Variants in MYO1D observed in about 807,000 individuals in gnomAD.
The protein encoded by MYO1D is unconventional myosin-Id.
A neutral mutation model predicts 122.0 loss-of-function variants in MYO1D; 83 were observed. The observed-to-expected ratio is 0.68, with a 90% CI of 0.57 to 0.82. The LOEUF (loss-of-function observed/expected upper bound fraction) is 0.82, where lower values mean the gene tolerates loss of function less well. Ranked by LOEUF, MYO1D falls within the 40% of genes least tolerant of loss-of-function variation. The pLI is 0.00. For synonymous variants in MYO1D, 464 were observed against 446.9 expected, an observed-to-expected ratio of 1.04 and a Z score of -0.48; for missense variants, 1,157 against 1,269.5, an observed-to-expected ratio of 0.91 and a Z score of 1.35.
At chr17:32,718,602 G>A (rs967437272) in intron 15 of MYO1D, among the ~76,000 whole-genome samples, 2 of 152,124 alleles carry the variant, frequency 1.3e-5, no homozygotes, top group Non-Finnish European at 2.9e-5. Flanking sequence ...TTGGGAGGCT[G>A]GGGTGGGAGA....
chr17:32,673,853 A>G (rs1317261449), intron 16 of MYO1D, among the ~76,000 whole-genome samples: 1 of 152,224 alleles, frequency 6.6e-6, no homozygotes, highest in Non-Finnish European at 1.5e-5. Flanking sequence ...TTTTGTGTCA[A>G]TGTATTAAAT....
At chr17:32,547,198 T>A (rs2086971166) in intron 21 of MYO1D, among the ~76,000 whole-genome samples, 1 of 152,204 alleles carries the variant, frequency 6.6e-6, no homozygotes, top group Non-Finnish European at 1.5e-5. Flanking sequence ...TGGGCCATTG[T>A]GCCGGCACGA....
intron 4 of MYO1D, among the ~76,000 whole-genome samples, chr17:32,775,292 C>T (rs1306522231): frequency 6.6e-6 from 1 of 150,486 alleles, no homozygotes; most frequent in African/African-American, 2.5e-5. Flanking sequence ...CAGAGTGAGA[C>T]TCTGTCTCAA....
At chr17:32,788,735 GCT>G (rs371990770) in intron 1 of MYO1D, among the ~76,000 whole-genome samples, 18 of 152,122 alleles carry the variant, frequency 1.2e-4, no homozygotes, top group African/African-American at 4.3e-4. Context: ...GGGGGTGCAG[GCT>G]CTTTTTTGGT....
intron 1 of MYO1D, among the ~76,000 whole-genome samples, chr17:32,798,188 T>G (rs1383414914): frequency 2.0e-5 from 3 of 152,174 alleles, no homozygotes; most frequent in Non-Finnish European, 2.9e-5. Context: ...TGGGGTGAAT[T>G]AATAGCCAAC....
At chr17:32,495,031 C>A (rs1909040128) in intron 21 of MYO1D, 116 bp from the exon 22 acceptor site, 2 of 1,285,278 alleles carry the variant, frequency 1.6e-6, no homozygotes, top group Non-Finnish European at 2.1e-6. Flanking sequence ...TCCACAAGTG[C>A]CAGGAGGATG....
intron 18 of MYO1D, 58 bp downstream of exon 18, chr17:32,654,419 C>T (rs1238779508): frequency 6.6e-7 from 1 of 1,523,698 alleles, no homozygotes; most frequent in East Asian, 2.3e-5. Context: ...GAGATATGTA[C>T]TTCTCTTTTT....
chr17:32,613,781 T>C (rs1197909758), intron 20 of MYO1D, among the ~76,000 whole-genome samples: 1 of 97,266 alleles, frequency 1.0e-5, no homozygotes, highest in Non-Finnish European at 1.9e-5. Context: ...CAGAGCAAGA[T>C]TCCATCTCAA....
intron 21 of MYO1D, among the ~76,000 whole-genome samples, chr17:32,531,683 A>T (rs1910511595): frequency 6.6e-6 from 1 of 152,226 alleles, no homozygotes; most frequent in South Asian, 2.1e-4. Flanking sequence ...TTTTGTGTGC[A>T]TCAAACAAAA....
At chr17:32,701,698 G>A (rs1165437900) in intron 16 of MYO1D, among the ~76,000 whole-genome samples, 1 of 152,106 alleles carries the variant, frequency 6.6e-6, no homozygotes, top group Non-Finnish European at 1.5e-5. Context: ...GAGTAGCTGG[G>A]ACTACAGGTG....
intron 20 of MYO1D, among the ~76,000 whole-genome samples, chr17:32,635,657 C>T (rs563704439): frequency 6.6e-6 from 1 of 152,164 alleles, no homozygotes; most frequent in South Asian, 2.1e-4. Flanking sequence ...GGCGCCACTG[C>T]ACTCCAGTCT....
chr17:32,783,727 T>C (rs2090263747), intron 1 of MYO1D, among the ~76,000 whole-genome samples: 1 of 152,184 alleles, frequency 6.6e-6, no homozygotes, highest in African/African-American at 2.4e-5. Context: ...ATATACACCT[T>C]AACAGCAACT....
chr17:32,577,066 A>C (rs1231648289), intron 21 of MYO1D, among the ~76,000 whole-genome samples: 3 of 152,242 alleles, frequency 2.0e-5, no homozygotes, highest in Middle Eastern at 3.4e-3. Context: ...CCTGGGCAAC[A>C]GGATGAAACC....
Position 32,495,401 on chromosome 17 carries a change from G to A in MYO1D, c.2865-486C>T, listed in dbSNP as rs71377442. On this transcript the variant is annotated intron_variant, in intron 21 of 21. Transcript: ENST00000318217. ...GGGCCTGACTTGGGTTTCCCCAAGC[G>A]AGAGGCTGCTCTCATCTGGAGCTGG... The A allele has an allele frequency of 7.5e-3, 1,149 of 153,586 alleles. 12 individuals are homozygous for A. Among genetic ancestry groups the A allele is most frequent in the African/African-American group, 0.018 (762 of 41,612 alleles). The allele number at this position is 153,586 out of a possible 1,614,324, so 9.5% of individuals were successfully genotyped here.
intron 21 of MYO1D, among the ~76,000 whole-genome samples, chr17:32,554,353 A>G (rs979051019): frequency 2.0e-5 from 3 of 152,168 alleles, no homozygotes; most frequent in African/African-American, 7.2e-5. Context: ...CAACTGCAAC[A>G]CCTAGTTAAT....
chr17:32,874,795 C>T (rs1318691927), intron 1 of MYO1D, among the ~76,000 whole-genome samples: 1 of 151,996 alleles, frequency 6.6e-6, no homozygotes, highest in Admixed American at 6.5e-5. Flanking sequence ...AAATAAATTG[C>T]AGCATTCTCT....
intron 21 of MYO1D, among the ~76,000 whole-genome samples, chr17:32,581,637 A>G (rs916566171): frequency 2.0e-5 from 3 of 150,646 alleles, no homozygotes; most frequent in Non-Finnish European, 4.4e-5. Context: ...CAGTGGCTCA[A>G]TCTTGGCTCA....
At chr17:32,505,550 G>T (rs763028159) in intron 21 of MYO1D, 3 of 144,192 alleles carry the variant, frequency 2.1e-5, no homozygotes, top group Non-Finnish European at 4.4e-5. Flanking sequence ...CCGAGGCCCT[G>T]CATGTGGCAG....
chr17:32,815,731 C>T (rs79957065), intron 1 of MYO1D, among the ~76,000 whole-genome samples: 21,736 of 152,146 alleles, frequency 0.14, 1,988 homozygotes, highest in Middle Eastern at 0.29. Flanking sequence ...ACAGGTTAGT[C>T]CTGTGGTCCC....
Sources: gnomAD v4.1 joint callset for allele counts (sites outside exome capture counted in the v4.1 genomes callset) on GRCh38, gnomAD v4.1.1 for gene constraint, MANE v1.5 for transcripts, NCBI Gene and HGNC (gene_info 2026-07-23, HGNC 2026-07-21) for gene names.